The following BICC1 variants were observed in gnomAD, a reference collection of about 807,000 sequenced individuals.
BICC1 encodes the protein BicC family RNA binding protein 1.
Under a neutral mutation model 111.0 loss-of-function variants are expected in BICC1, and 43 were observed. The observed-to-expected ratio is 0.39, with a 90% CI of 0.30 to 0.50. The LOEUF (loss-of-function observed/expected upper bound fraction) is 0.50. Among genes scored for constraint, BICC1 ranks in the 20% least tolerant of loss-of-function variants. The probability of loss-of-function intolerance (pLI) is 0.88; values close to 1 mark genes in which losing one functional copy is unlikely to be tolerated. For synonymous variants in BICC1, 467 were observed against 434.4 expected (o/e 1.07, Z -0.93); for missense variants, 1,091 against 1,203.2 (o/e 0.91, Z 1.38).
intron 1 of BICC1, among the ~76,000 whole-genome samples, chr10:58,565,524 C>T (rs1843727963): frequency 6.6e-6 from 1 of 152,224 alleles, no homozygotes; most frequent in African/African-American, 2.4e-5. Context: ...TCATCCTTCA[C>T]AGCAGCTGGA....
At chr10:58,575,426 T>A (rs1844082544) in intron 1 of BICC1, among the ~76,000 whole-genome samples, 1 of 152,198 alleles carries the variant, frequency 6.6e-6, no homozygotes, top group South Asian at 2.1e-4. Context: ...CTCCATTTTA[T>A]AGTCGAGGCA....
intron 1 of BICC1, among the ~76,000 whole-genome samples, chr10:58,591,241 G>A (rs550085319): frequency 6.6e-6 from 1 of 151,438 alleles, no homozygotes; most frequent in Non-Finnish European, 1.5e-5. Flanking sequence ...AGTGTGACTT[G>A]GGTAGGGAAA....
chr10:58,749,051 T>A (rs1047818853), intron 3 of BICC1, among the ~76,000 whole-genome samples: 1 of 152,162 alleles, frequency 6.6e-6, no homozygotes, highest in Non-Finnish European at 1.5e-5. Context: ...TTCAAAGACA[T>A]AAGAGTTTTT....
At chr10:58,574,893 T>C (rs1178431756) in intron 1 of BICC1, among the ~76,000 whole-genome samples, 2 of 152,188 alleles carry the variant, frequency 1.3e-5, no homozygotes, top group Non-Finnish European at 2.9e-5. Flanking sequence ...TTCTTCTGCA[T>C]TCAATCTGTC....
intron 1 of BICC1, among the ~76,000 whole-genome samples, chr10:58,606,538 T>A (rs959636143): frequency 1.4e-4 from 21 of 152,128 alleles, no homozygotes; most frequent in African/African-American, 4.8e-4. Context: ...ATTGTGCACA[T>A]CTACCCTAAA....
chr10:58,625,715 G>T (rs2132155407), intron 2 of BICC1, among the ~76,000 whole-genome samples: 1 of 152,238 alleles, frequency 6.6e-6, no homozygotes, highest in South Asian at 2.1e-4. Context: ...TTTCAGACTG[G>T]AAAATAGCAA....
At chr10:58,789,112 A>T in intron 6 of BICC1, 150 bp from the exon 7 acceptor site, 1 of 633,488 alleles carries the variant, frequency 1.6e-6, no homozygotes, top group Non-Finnish European at 2.6e-6. Flanking sequence ...AGGAAAAAAA[A>T]AAACTTTATA....
intron 1 of BICC1, among the ~76,000 whole-genome samples, chr10:58,620,459 T>C (rs1317693005): frequency 1.3e-5 from 2 of 152,202 alleles, no homozygotes; most frequent in African/African-American, 4.8e-5. Context: ...AGCTCAGAAG[T>C]AGGCCATATA....
intron 3 of BICC1, among the ~76,000 whole-genome samples, chr10:58,776,236 C>G (rs1269023361): frequency 6.6e-6 from 1 of 152,186 alleles, no homozygotes; most frequent in Non-Finnish European, 1.5e-5. Flanking sequence ...TGTGTGAACT[C>G]TTAAATGCAT....
At chr10:58,663,255 CAG>C (rs1838902863) in intron 2 of BICC1, among the ~76,000 whole-genome samples, 1 of 151,874 alleles carries the variant, frequency 6.6e-6, no homozygotes, top group Non-Finnish European at 1.5e-5. Flanking sequence ...TTAGTAGAGA[CAG>C]GGTTTCACCA....
chr10:58,803,363 A>C, intron 15 of BICC1, 121 bp downstream of exon 15: 2 of 820,746 alleles, frequency 2.4e-6, no homozygotes, highest in Non-Finnish European at 3.5e-6. Context: ...CTACATTCAA[A>C]ATGAAATTTA....
At chr10:58,649,048 C>T (rs1838360287) in intron 2 of BICC1, among the ~76,000 whole-genome samples, 1 of 152,312 alleles carries the variant, frequency 6.6e-6, no homozygotes, top group Non-Finnish European at 1.5e-5. Context: ...CTACCCTGAA[C>T]ACCTTCTCCC....
At chr10:58,731,404 C>T (rs557986455) in intron 3 of BICC1, among the ~76,000 whole-genome samples, 33 of 152,284 alleles carry the variant, frequency 2.2e-4, no homozygotes, top group African/African-American at 7.9e-4. Context: ...CTGAGCCCCC[C>T]ATACTCTTTG....
At chr10:58,818,811 G>C (rs1208366524) in intron 19 of BICC1, among the ~76,000 whole-genome samples, 1 of 152,076 alleles carries the variant, frequency 6.6e-6, no homozygotes, top group Non-Finnish European at 1.5e-5. Context: ...TTGCTGGTTA[G>C]ATGATGGTAG....
At position 58,558,371 on chromosome 10, in the gene BICC1, C is replaced by T. The variant is rs1843512581; in HGVS notation, c.190+45038C>T. 2.0e-5 allele frequency among the ~76,000 whole-genome samples: 3 copies of T among 152,062 alleles called. No homozygotes were observed. The South Asian group carries it at 6.2e-4, about 32-fold the overall frequency. ...TCTCTTTGGTTTCCAGGCCCAGTTC[C>T]TCTACTTAGAGAGACTTCTAGGTTC... On this transcript the variant is annotated intron_variant, in intron 1 of 20. Transcript: ENST00000373886.
intron 1 of BICC1, among the ~76,000 whole-genome samples, chr10:58,516,834 C>T (rs1474107998): frequency 1.3e-5 from 2 of 151,990 alleles, no homozygotes; most frequent in Non-Finnish European, 2.9e-5. Flanking sequence ...CATATCATAA[C>T]TCACATTAAC....
intron 2 of BICC1, among the ~76,000 whole-genome samples, chr10:58,696,079 C>T (rs1158633599): frequency 6.6e-6 from 1 of 152,082 alleles, no homozygotes; most frequent in Non-Finnish European, 1.5e-5. Context: ...ACCTTCCCTT[C>T]CTATCTCTAC....
chr10:58,580,611 G>A (rs1399591696), intron 1 of BICC1, among the ~76,000 whole-genome samples: 1 of 152,058 alleles, frequency 6.6e-6, no homozygotes, highest in Non-Finnish European at 1.5e-5. Context: ...TTGACTATTG[G>A]CACAGTGTTC....
intron 17 of BICC1, among the ~76,000 whole-genome samples, chr10:58,810,491 T>C (rs1843867560): frequency 6.6e-6 from 1 of 152,050 alleles, no homozygotes; most frequent in Admixed American, 6.5e-5. Flanking sequence ...GTGTTCTAGA[T>C]TCTCCCTGGT....
Sources: allele counts gnomAD v4.1 joint callset (sites outside exome capture counted in the v4.1 genomes callset), GRCh38; gene constraint gnomAD v4.1.1; transcripts MANE v1.5; gene names NCBI Gene and HGNC (gene_info 2026-07-23, HGNC 2026-07-21).